The following PKHD1 variants were observed in gnomAD, a reference collection of about 807,000 sequenced individuals.
PKHD1 encodes PKHD1 ciliary IPT domain containing fibrocystin/polyductin.
In PKHD1, 291 loss-of-function variants were observed where a neutral mutation model predicts 412.0. The ratio of observed to expected loss-of-function variants is 0.71; its 90% confidence interval spans 0.64 to 0.78. The LOEUF (loss-of-function observed/expected upper bound fraction) is 0.78. Ranked by LOEUF, PKHD1 falls within the 30% of genes least tolerant of loss-of-function variation. The pLI is 0.00. For synonymous variants in PKHD1, 1,777 were observed against 1,821.5 expected, an observed-to-expected ratio of 0.98 and a Z score of 0.62; for missense variants, 4,825 against 4,950.7, an observed-to-expected ratio of 0.97 and a Z score of 0.76.
intron 60 of PKHD1, among the ~76,000 whole-genome samples, chr6:51,683,443 C>G (rs1167129279): frequency 2.0e-5 from 3 of 151,938 alleles, no homozygotes; most frequent in African/African-American, 4.8e-5. Context: ...TTTACAGATG[C>G]CAATCAGACA....
intron 66 of PKHD1, among the ~76,000 whole-genome samples, chr6:51,624,066 T>G (rs1230046089): frequency 6.6e-6 from 1 of 152,186 alleles, no homozygotes; most frequent in East Asian, 1.9e-4. Context: ...TTTTTAATTT[T>G]TTTTAAGAGA....
At chr6:51,636,770 G>A (rs1269951082) in intron 64 of PKHD1, among the ~76,000 whole-genome samples, 1 of 152,170 alleles carries the variant, frequency 6.6e-6, no homozygotes, top group African/African-American at 2.4e-5. Context: ...CTCTCTGGAC[G>A]TGTACCGTTA....
chr6:51,821,956 G>A (rs1766509899), intron 52 of PKHD1, among the ~76,000 whole-genome samples: 1 of 152,156 alleles, frequency 6.6e-6, no homozygotes. Flanking sequence ...CAAAGTGCTG[G>A]GATTACAGGC....
intron 35 of PKHD1, among the ~76,000 whole-genome samples, chr6:51,984,935 A>C (rs1796025212): frequency 6.6e-6 from 1 of 152,202 alleles, no homozygotes; most frequent in Admixed American, 6.5e-5. Context: ...AGACATTACA[A>C]CTAGAGAAAA....
intron 60 of PKHD1, among the ~76,000 whole-genome samples, chr6:51,729,452 T>C (rs1013621807): frequency 6.6e-6 from 1 of 152,202 alleles, no homozygotes; most frequent in Non-Finnish European, 1.5e-5. Flanking sequence ...GGCAACCTTC[T>C]AGTTTTTCCC....
chr6:51,781,972 AAT>A (rs1274835918), intron 53 of PKHD1, among the ~76,000 whole-genome samples: 1 of 151,876 alleles, frequency 6.6e-6, no homozygotes, highest in Non-Finnish European at 1.5e-5. Flanking sequence ...TAAAAAAAAA[AAT>A]CATTCATTCA....
chr6:52,065,028 G>A lies in PKHD1; in HGVS notation c.903C>T (p.His301=), dbSNP rs1389574069. 8 of 1,594,608 alleles carry A rather than the reference G, an allele frequency of 5.0e-6. No homozygotes were observed. In the South Asian group the frequency reaches 5.5e-5, roughly 11 times the overall value. ...TGCACTCAATCTTCCTGGGAGACAC[G>A]TGTCTAATATCACATGGAATGCCTA... is the stretch of plus-strand genomic sequence containing the variant. The part of the protein sequence containing the change: ...TIAGIPCDIR[H]VSPRKIECTT... The change falls in exon 13 of 67, where the codon CAC becomes CAT. Residue 301 remains histidine, a synonymous_variant. Transcript: ENST00000371117.
chr6:51,867,442 T>G (rs928874136), intron 48 of PKHD1, among the ~76,000 whole-genome samples: 2 of 152,122 alleles, frequency 1.3e-5, no homozygotes, highest in African/African-American at 4.8e-5. Context: ...ATAGGAGGCA[T>G]CAGCAATTGC....
chr6:51,824,372 C>A (rs1339285766), intron 52 of PKHD1, among the ~76,000 whole-genome samples: 1 of 152,050 alleles, frequency 6.6e-6, no homozygotes, highest in Non-Finnish European at 1.5e-5. Flanking sequence ...TATTTACATT[C>A]ATCATTTCAA....
intron 1 of PKHD1, among the ~76,000 whole-genome samples, chr6:52,086,115 G>A (rs1040896871): frequency 6.8e-6 from 1 of 147,852 alleles, no homozygotes; most frequent in African/African-American, 2.5e-5. Flanking sequence ...AAGTGTGTGT[G>A]TATGTGTGTG....
chr6:51,815,592 T>C (rs528141265), intron 52 of PKHD1, among the ~76,000 whole-genome samples: 3 of 152,224 alleles, frequency 2.0e-5, no homozygotes, highest in Non-Finnish European at 4.4e-5. Context: ...TAAGTAGAAC[T>C]GGACAACAAT....
intron 36 of PKHD1, among the ~76,000 whole-genome samples, chr6:51,941,568 T>C (rs1241814936): frequency 6.6e-6 from 1 of 151,516 alleles, no homozygotes. Context: ...CATGGCCTTT[T>C]AAAGCCTATA....
chr6:52,029,146 C>T (rs1260579836), intron 29 of PKHD1, among the ~76,000 whole-genome samples: 1 of 151,922 alleles, frequency 6.6e-6, no homozygotes, highest in Non-Finnish European at 1.5e-5. Context: ...TTATATGGGG[C>T]AATTAATATG....
At chr6:51,936,241 A>G (rs1011539817) in intron 36 of PKHD1, among the ~76,000 whole-genome samples, 1 of 152,162 alleles carries the variant, frequency 6.6e-6, no homozygotes, top group African/African-American at 2.4e-5. Context: ...ATACAAACAC[A>G]CACACACTCT....
Position 52,061,312 on chromosome 6 carries a change from T to G in PKHD1, c.1118+1207A>C, listed in dbSNP as rs113170981. 3.1e-3 allele frequency among the ~76,000 whole-genome samples: 477 copies of G among 152,236 alleles called. 2 individuals are homozygous for G. The highest frequency in any genetic ancestry group is 0.011 in the African/African-American group (457 of 41,544). The stretch of plus-strand genomic sequence containing the variant: ...TCAAACAATTCTCCACTTCAGCCTC[T>G]CAAGTAGCTACAGGTGCACACCATC... On this transcript the variant is annotated intron_variant, in intron 14 of 66. Coordinates refer to ENST00000371117, the MANE Select transcript of PKHD1 (RefSeq NM_138694.4).
Position 52,035,651 on chromosome 6 carries a change from C to T in PKHD1, c.3168G>A (p.Ser1056=), listed in dbSNP as rs771881705. 12 of 1,613,776 alleles carry T rather than the reference C, an allele frequency of 7.4e-6. No individual in the cohort carries two copies. Among genetic ancestry groups the T allele is most frequent in the Admixed American group, 1.7e-5 (1 of 59,986 alleles). ...GVSLILFGSY[S]CAINVATSNS... ...TGCTTGTAGCGACATTGATGGCACA[C>T]GAGTAAGATCCAAATAATATCAGGC... Residue 1056 remains serine (S), a synonymous_variant, in exon 28 of 67, where the codon TCG becomes TCA. Transcript: ENST00000371117.
intron 12 of PKHD1, among the ~76,000 whole-genome samples, chr6:52,065,700 G>A (rs531312631): frequency 6.6e-6 from 1 of 152,300 alleles, no homozygotes; most frequent in Non-Finnish European, 1.5e-5. Flanking sequence ...TCAAGAAGGA[G>A]CTGTATTTCT....
At chr6:51,979,199 T>A (rs927347816) in intron 35 of PKHD1, among the ~76,000 whole-genome samples, 2 of 151,926 alleles carry the variant, frequency 1.3e-5, no homozygotes, top group Non-Finnish European at 2.9e-5. Flanking sequence ...ACATACAGAG[T>A]GTGTCTGAAG....
At position 51,685,208 on chromosome 6, in the gene PKHD1, G is replaced by A. The variant is rs531362776; in HGVS notation, c.10157-25239C>T. ...TTCAAACTGTTAGGAGTAAGAGTGG[G>A]AGAATTCCTTCCTGTCCTCTGAGAC... On this transcript the variant is annotated intron_variant, in intron 60 of 66. Coordinates refer to ENST00000371117, the MANE Select transcript of PKHD1 (RefSeq NM_138694.4). 1.8e-4 allele frequency among the ~76,000 whole-genome samples: 28 copies of A among 152,146 alleles called. 2 individuals are homozygous for A. The highest frequency in any genetic ancestry group is 1.7e-3 in the East Asian group (9 of 5,166).
Sources: gnomAD v4.1 joint callset for allele counts (sites outside exome capture counted in the v4.1 genomes callset) on GRCh38, gnomAD v4.1.1 for gene constraint, MANE v1.5 for transcripts, NCBI Gene and HGNC (gene_info 2026-07-23, HGNC 2026-07-21) for gene names.